The following PDZD2 variants were observed in gnomAD, a reference collection of about 807,000 sequenced individuals.
The protein encoded by PDZD2 is PDZ domain containing 2.
In PDZD2, 90 loss-of-function variants were observed where a neutral mutation model predicts 220.7. That is an observed-to-expected ratio of 0.41 (90% confidence interval 0.34 to 0.49). The LOEUF (loss-of-function observed/expected upper bound fraction) is 0.49, where lower values mean the gene tolerates loss of function less well. Ranked by LOEUF, PDZD2 falls within the 20% of genes least tolerant of loss-of-function variation. PDZD2 has a pLI of 0.28. For missense variants in PDZD2, 3,174 were observed against 3,608.5 expected, an observed-to-expected ratio of 0.88 and a Z score of 3.08; for synonymous variants, 1,375 against 1,450.5, an observed-to-expected ratio of 0.95 and a Z score of 1.18.
chr5:31,827,029 A>G (rs2150263193), intron 2 of PDZD2, among the ~76,000 whole-genome samples: 1 of 152,198 alleles, frequency 6.6e-6, no homozygotes, highest in East Asian at 1.9e-4. Context: ...ATTCCCCAGA[A>G]AGGAGCGTAA....
At chr5:31,848,624 C>G in intron 2 of PDZD2, among the ~76,000 whole-genome samples, 1 of 123,296 alleles carries the variant, frequency 8.1e-6, no homozygotes, top group African/African-American at 3.0e-5. Context: ...TGGTGGGCAC[C>G]TGTAATCCCA....
At chr5:31,912,195 TC>T (rs1283096299) in intron 2 of PDZD2, among the ~76,000 whole-genome samples, 1 of 152,166 alleles carries the variant, frequency 6.6e-6, no homozygotes, top group African/African-American at 2.4e-5. Flanking sequence ...AAGTCCAAGA[TC>T]CAGGTATTAG....
At chr5:31,863,512 T>C (rs1322715750) in intron 2 of PDZD2, among the ~76,000 whole-genome samples, 1 of 152,230 alleles carries the variant, frequency 6.6e-6, no homozygotes, top group Non-Finnish European at 1.5e-5. Flanking sequence ...TTGTTAGGAC[T>C]TTCTGCTGAC....
chr5:31,989,845 C>T (rs1312146262), intron 3 of PDZD2, among the ~76,000 whole-genome samples: 1 of 152,192 alleles, frequency 6.6e-6, no homozygotes, highest in African/African-American at 2.4e-5. Context: ...CCCGTCTTAG[C>T]TCAGTGCCTT....
At chr5:31,920,521 AAAAGTC>A (rs747196639) in intron 2 of PDZD2, among the ~76,000 whole-genome samples, 15 of 124,662 alleles carry the variant, frequency 1.2e-4, no homozygotes, top group South Asian at 2.6e-4. Flanking sequence ...AAAAAAAAAA[AAAAGTC>A]CAGGCACTCT....
At chr5:32,002,519 A>G (rs968141445) in intron 5 of PDZD2, among the ~76,000 whole-genome samples, 1 of 152,086 alleles carries the variant, frequency 6.6e-6, no homozygotes, top group East Asian at 1.9e-4. Context: ...AAACTAGTTC[A>G]TTGTTTTGCC....
intron 1 of PDZD2, among the ~76,000 whole-genome samples, chr5:31,678,203 A>G (rs1256275627): frequency 1.3e-5 from 2 of 152,158 alleles, no homozygotes; most frequent in Non-Finnish European, 1.5e-5. Context: ...TCTAGTGAGA[A>G]TACCCTGGAG....
chr5:32,090,627 G>A lies in PDZD2; in HGVS notation c.7179G>A (p.Leu2393=), dbSNP rs1743034350. Residue 2393 remains leucine (L), a synonymous_variant, in exon 20 of 25, where the codon TTG becomes TTA. Transcript: ENST00000438447. The surrounding 1 kb of genome is among the most constrained non-coding windows in gnomAD (Gnocchi z 4.3). Reference sequence around the variant, plus strand: ...CAGGTGACGCAGCAGCAAGGTTGTTGAGACGCAGCTTGAGTTCCTGCAGCG... The same window carrying A: ...CAGGTGACGCAGCAGCAAGGTTGTTAAGACGCAGCTTGAGTTCCTGCAGCG... ...GHPGDAAARL[L]RRSLSSCSEN... 1 of 1,614,010 alleles carries A rather than the reference G, an allele frequency of 6.2e-7. No individual in the cohort carries two copies. The highest frequency in any genetic ancestry group is 8.5e-7 in the Non-Finnish European group (1 of 1,180,042).
intron 14 of PDZD2, among the ~76,000 whole-genome samples, chr5:32,066,409 T>G (rs1035625505): frequency 6.6e-6 from 1 of 152,280 alleles, no homozygotes; most frequent in African/African-American, 2.4e-5. Flanking sequence ...CTTTTTCTGT[T>G]TTTTCCTCCT....
At chr5:32,056,158 A>G (rs161532) in intron 10 of PDZD2, among the ~76,000 whole-genome samples, 115,143 of 152,172 alleles carry the variant, frequency 0.76, 43,696 homozygotes, top group South Asian at 0.83. Context: ...GAAACAACCT[A>G]AAAACATCCA....
chr5:31,752,088 T>TTTTTTTTTTTTTTTTG (rs1561431820), intron 1 of PDZD2, among the ~76,000 whole-genome samples: 9 of 141,114 alleles, frequency 6.4e-5, no homozygotes, highest in South Asian at 2.3e-4. Context: ...TTTTTTTTTT[T>TTTTTTTTTTTTTTTTG]TTCTGAGACA....
intron 1 of PDZD2, chr5:31,744,328 T>G (rs893920797): frequency 2.0e-5 from 3 of 152,166 alleles, no homozygotes; most frequent in Non-Finnish European, 2.9e-5. Flanking sequence ...GGACTTTGCC[T>G]TGCGTATATT....
rs199744862 is a variant in PDZD2 at position 32,107,974 on chromosome 5, G to A, written c.8359G>A (p.Ala2787Thr). The A allele has an allele frequency of 1.9e-5, 30 of 1,611,734 alleles. No individual in the cohort carries two copies. Among genetic ancestry groups the A allele is most frequent in the Non-Finnish European group, 2.5e-5 (29 of 1,178,192 alleles). Reference sequence around the variant, plus strand: ...TTCTGTGTTTATTCTCGTAGGTGGTGCGGCTGAACAAGCTGGAATAATAGA... The same window carrying A: ...TTCTGTGTTTATTCTCGTAGGTGGTACGGCTGAACAAGCTGGAATAATAGA... ...LVIKRVYKGG[A>T]AEQAGIIEAG... Residue 2787 changes from alanine (A) to threonine (T), a missense_variant, in exon 25 of 25, where the codon GCG becomes ACG. Ala to Thr is a moderately conservative substitution (Grantham distance 58). Around this residue, in one of 4 missense-constraint regions of PDZD2, gnomAD observed 631 missense variants for 789.9 expected, o/e 0.80. Transcript: ENST00000438447.
intron 17 of PDZD2, 40 bp downstream of exon 17, chr5:32,072,357 C>T (rs757688077): frequency 6.7e-7 from 1 of 1,501,500 alleles, no homozygotes; most frequent in Non-Finnish European, 9.1e-7. Context: ...CTCTGCATTC[C>T]AGTCAGCAGT....
chr5:31,975,002 G>GA (rs1232047498), intron 2 of PDZD2, among the ~76,000 whole-genome samples: 1 of 152,050 alleles, frequency 6.6e-6, no homozygotes. Context: ...TCATTGGTCA[G>GA]AAAAAAATCT....
At chr5:32,095,339 G>A (rs1205876756) in intron 21 of PDZD2, among the ~76,000 whole-genome samples, 2 of 152,192 alleles carry the variant, frequency 1.3e-5, no homozygotes, top group Non-Finnish European at 2.9e-5. Context: ...AGAGAGGAGC[G>A]TTGAGCAGGG....
chr5:31,742,576 AG>A (rs1437186236), intron 1 of PDZD2, among the ~76,000 whole-genome samples: 1 of 41,668 alleles, frequency 2.4e-5, no homozygotes, highest in Non-Finnish European at 4.3e-5. Context: ...TTTCTACCCC[AG>A]GGGATGGTGG....
intron 2 of PDZD2, among the ~76,000 whole-genome samples, chr5:31,879,911 C>CTTTT (rs568407359): frequency 3.2e-5 from 4 of 124,152 alleles, no homozygotes; most frequent in African/African-American, 6.3e-5. Flanking sequence ...CAATACCTGC[C>CTTTT]TTTTTTTTTT....
At chr5:31,686,955 C>CACCT (rs1746896996) in intron 1 of PDZD2, among the ~76,000 whole-genome samples, 1 of 152,154 alleles carries the variant, frequency 6.6e-6, no homozygotes, top group South Asian at 2.1e-4. Context: ...AATCTCTGCT[C>CACCT]ACCTGCCATG....
Sources: allele counts gnomAD v4.1 joint callset (sites outside exome capture counted in the v4.1 genomes callset), GRCh38; gene constraint gnomAD v4.1.1; regional missense constraint gnomAD v4.1.1; non-coding constraint Gnocchi (gnomAD v3.1); transcripts MANE v1.5; gene names NCBI Gene and HGNC (gene_info 2026-07-23, HGNC 2026-07-21).